Variants in COBL observed in about 807,000 individuals in gnomAD.
The protein encoded by COBL is cordon-bleu WH2 repeat protein.
COBL carries 51 observed loss-of-function variants against 98.8 expected under a neutral mutation model. That is an observed-to-expected ratio of 0.52 (90% confidence interval 0.41 to 0.65). COBL has a LOEUF of 0.65. Among genes scored for constraint, COBL ranks in the 30% least tolerant of loss-of-function variants. The pLI is 0.00. For synonymous variants in COBL, 634 were observed against 651.7 expected (o/e 0.97, Z 0.41); for missense variants, 1,617 against 1,617.5 (o/e 1.00, Z 0.01).
At chr7:51,199,305 C>T (rs1790902978) in intron 2 of COBL, among the ~76,000 whole-genome samples, 2 of 152,294 alleles carry the variant, frequency 1.3e-5, no homozygotes, top group South Asian at 4.1e-4. Context: ...GCAATAACAT[C>T]AGTCTGGTGA....
At chr7:51,094,599 A>T (rs1795111464) in intron 6 of COBL, among the ~76,000 whole-genome samples, 2 of 152,192 alleles carry the variant, frequency 1.3e-5, no homozygotes, top group Admixed American at 1.3e-4. Context: ...CTAGACCTGC[A>T]TTACAAGAAT....
chr7:51,269,944 T>C (rs1410875603), intron 1 of COBL, among the ~76,000 whole-genome samples: 1 of 152,182 alleles, frequency 6.6e-6, no homozygotes, highest in African/African-American at 2.4e-5. Context: ...CACCCCCACC[T>C]GTGCACAGCT....
At chr7:51,236,191 G>C (rs568289987) in intron 1 of COBL, among the ~76,000 whole-genome samples, 5 of 152,292 alleles carry the variant, frequency 3.3e-5, no homozygotes, top group African/African-American at 1.2e-4. Context: ...CTGAGGCCCA[G>C]AGCCCTTACA....
intron 1 of COBL, among the ~76,000 whole-genome samples, chr7:51,250,979 T>G (rs930560693): frequency 2.6e-5 from 4 of 152,246 alleles, no homozygotes; most frequent in Non-Finnish European, 5.9e-5. Context: ...TTGTTATATT[T>G]TATGGTTCCC....
chr7:51,113,064 G>A (rs927357008), intron 6 of COBL, among the ~76,000 whole-genome samples: 3 of 152,192 alleles, frequency 2.0e-5, no homozygotes, highest in African/African-American at 4.8e-5. Context: ...GGTGTGAAAT[G>A]CACTCCCTCT....
intron 1 of COBL, among the ~76,000 whole-genome samples, chr7:51,273,089 G>T (rs939323877): frequency 1.3e-5 from 2 of 152,182 alleles, no homozygotes; most frequent in African/African-American, 4.8e-5. Context: ...AGCACTTTGG[G>T]AGGCCAAGGT....
At chr7:51,224,071 A>T (rs755387062) in intron 1 of COBL, among the ~76,000 whole-genome samples, 1 of 152,206 alleles carries the variant, frequency 6.6e-6, no homozygotes, top group Non-Finnish European at 1.5e-5. Context: ...TACAGTGTTC[A>T]GCACAGTAAC....
At chr7:51,229,890 G>C (rs147104861) in intron 1 of COBL, among the ~76,000 whole-genome samples, 1 of 152,254 alleles carries the variant, frequency 6.6e-6, no homozygotes, top group Non-Finnish European at 1.5e-5. Context: ...CCCAGCTCCT[G>C]TCCAAGCAAG....
intron 8 of COBL, among the ~76,000 whole-genome samples, chr7:51,038,542 C>T (rs1031517059): frequency 6.6e-6 from 1 of 152,200 alleles, no homozygotes; most frequent in African/African-American, 2.4e-5. Flanking sequence ...GCTAAGAAAA[C>T]TAGAACATAG....
intron 7 of COBL, among the ~76,000 whole-genome samples, chr7:51,081,129 C>T (rs1185867203): frequency 6.6e-6 from 1 of 152,098 alleles, no homozygotes; most frequent in Admixed American, 6.5e-5. Context: ...GACTCTGAGT[C>T]CCAAGAAGGG....
rs762094678 is a variant in COBL, at chr7:51,043,631, T to C, written c.1158A>G (p.Ser386=). ...CAACTGACACGGTCTCCTCCGCCTCTGACAGCACCTGCGGGGCTCCATCCG... is the reference window on the plus strand; with the variant it reads ...CAACTGACACGGTCTCCTCCGCCTCCGACAGCACCTGCGGGGCTCCATCCG... The part of the protein sequence containing the change: ...CSPDGAPQVL[S]EAEETVSVGS... Residue 386 remains serine, a synonymous_variant, in exon 8 of 13, where the codon TCA becomes TCG. Transcript: ENST00000265136. 6.8e-6 allele frequency: 11 copies of C among 1,614,226 alleles called. No individual in the cohort carries two copies. The highest frequency in any genetic ancestry group is 9.3e-6 in the Non-Finnish European group (11 of 1,180,044).
intron 7 of COBL, among the ~76,000 whole-genome samples, chr7:51,061,525 T>G (rs764355253): frequency 6.6e-6 from 1 of 151,998 alleles, no homozygotes; most frequent in Non-Finnish European, 1.5e-5. Context: ...AAGACATGCA[T>G]ATAGGGGGCG....
chr7:51,056,512 A>G (rs538478366), intron 7 of COBL, among the ~76,000 whole-genome samples: 1 of 152,226 alleles, frequency 6.6e-6, no homozygotes, highest in Admixed American at 6.5e-5. Context: ...ACCTCAGGGC[A>G]TCAGTTTCCT....
At chr7:51,289,343 G>A (rs1300367300) in intron 1 of COBL, among the ~76,000 whole-genome samples, 1 of 152,194 alleles carries the variant, frequency 6.6e-6, no homozygotes, top group Non-Finnish European at 1.5e-5. Flanking sequence ...CAGAGCCACA[G>A]ACCTCACTGC....
chr7:51,111,545 G>A (rs1796821072), intron 6 of COBL, among the ~76,000 whole-genome samples: 1 of 152,110 alleles, frequency 6.6e-6, no homozygotes, highest in African/African-American at 2.4e-5. Flanking sequence ...TCTCCCCGCC[G>A]GCCCCACCTC....
intron 1 of COBL, among the ~76,000 whole-genome samples, chr7:51,242,679 A>C (rs913930851): frequency 2.0e-5 from 3 of 151,890 alleles, no homozygotes; most frequent in African/African-American, 7.2e-5. Context: ...AAGATCCACA[A>C]ACAGAAAATG....
At chr7:51,277,795 G>A (rs887616752) in intron 1 of COBL, among the ~76,000 whole-genome samples, 1 of 152,174 alleles carries the variant, frequency 6.6e-6, no homozygotes, top group Admixed American at 6.5e-5. Context: ...AGGGGGCACA[G>A]AGCCAGGTAA....
At chr7:51,313,734 G>A (rs1254451969) in intron 1 of COBL, among the ~76,000 whole-genome samples, 1 of 152,220 alleles carries the variant, frequency 6.6e-6, no homozygotes, top group Non-Finnish European at 1.5e-5. Context: ...CCTGTGTTCT[G>A]TAACAGCCGA....
intron 1 of COBL, among the ~76,000 whole-genome samples, chr7:51,315,894 G>A (rs541603602): frequency 6.6e-6 from 1 of 152,246 alleles, no homozygotes; most frequent in Non-Finnish European, 1.5e-5. Context: ...GAATCGCGAA[G>A]ACAGGGATGG....
Sources: gnomAD v4.1 joint callset for allele counts (sites outside exome capture counted in the v4.1 genomes callset) on GRCh38, gnomAD v4.1.1 for gene constraint, MANE v1.5 for transcripts, NCBI Gene and HGNC (gene_info 2026-07-23, HGNC 2026-07-21) for gene names.